DSCAM: variants seen among roughly 807,000 people sequenced by gnomAD.
The protein encoded by DSCAM is DS cell adhesion molecule.
A neutral mutation model predicts 217.7 loss-of-function variants in DSCAM; 47 were observed. The observed-to-expected ratio is 0.22, with a 90% CI of 0.17 to 0.28. DSCAM has a LOEUF of 0.28. Among genes scored for constraint, DSCAM ranks in the 10% least tolerant of loss-of-function variants. DSCAM has a pLI of 1.00. For missense variants in DSCAM, 2,080 were observed against 2,618.3 expected, an observed-to-expected ratio of 0.79 and a Z score of 4.49; for synonymous variants, 1,056 against 1,015.3, an observed-to-expected ratio of 1.04 and a Z score of -0.76.
At chr21:40,701,369 T>A (rs2090654726) in intron 2 of DSCAM, among the ~76,000 whole-genome samples, 3 of 152,284 alleles carry the variant, frequency 2.0e-5, no homozygotes, top group East Asian at 1.9e-4. Flanking sequence ...ACAATTTTTT[T>A]AAAAGAACTT....
chr21:40,611,132 C>T (rs562427119), intron 3 of DSCAM, among the ~76,000 whole-genome samples: 17 of 144,248 alleles, frequency 1.2e-4, no homozygotes, highest in African/African-American at 3.6e-4. Context: ...GATCTCGGCT[C>T]ACTGCAACCT....
At chr21:40,715,230 T>C (rs1054079536) in intron 1 of DSCAM, among the ~76,000 whole-genome samples, 4 of 152,256 alleles carry the variant, frequency 2.6e-5, no homozygotes, top group Non-Finnish European at 5.9e-5. Flanking sequence ...TTCACATCAC[T>C]ATTTTAGTTT....
At chr21:40,720,885 C>A (rs891411091) in intron 1 of DSCAM, among the ~76,000 whole-genome samples, 8 of 152,158 alleles carry the variant, frequency 5.3e-5, no homozygotes, top group African/African-American at 1.9e-4. Flanking sequence ...AGAGAGGGAG[C>A]TCCAGAGAGC....
intron 10 of DSCAM, among the ~76,000 whole-genome samples, chr21:40,292,368 G>C (rs766236455): frequency 6.6e-6 from 1 of 151,898 alleles, no homozygotes; most frequent in African/African-American, 2.4e-5. Flanking sequence ...CTGCACTTCA[G>C]CTCTTAGTGA....
At chr21:40,388,119 A>C (rs1055103772) in intron 3 of DSCAM, among the ~76,000 whole-genome samples, 6 of 139,558 alleles carry the variant, frequency 4.3e-5, no homozygotes, top group African/African-American at 1.7e-4. Context: ...AACAATTTGG[A>C]AATTTCCCAG....
chr21:40,526,638 T>C (rs2076403042), intron 3 of DSCAM, among the ~76,000 whole-genome samples: 1 of 152,082 alleles, frequency 6.6e-6, no homozygotes, highest in African/African-American at 2.4e-5. Flanking sequence ...CCAGGAACTT[T>C]GCTTATCAGA....
intron 3 of DSCAM, among the ~76,000 whole-genome samples, chr21:40,504,759 G>A (rs573693311): frequency 7.9e-5 from 12 of 152,228 alleles, no homozygotes; most frequent in African/African-American, 2.9e-4. Flanking sequence ...TGGATCTCTG[G>A]GGGTGAAACT....
chr21:40,269,166 A>G (rs1232863441), intron 11 of DSCAM, among the ~76,000 whole-genome samples: 1 of 152,076 alleles, frequency 6.6e-6, no homozygotes, highest in East Asian at 1.9e-4. Context: ...AAAAACCCTG[A>G]CCCACATTGG....
intron 32 of DSCAM, among the ~76,000 whole-genome samples, chr21:40,021,266 A>G (rs77231113): frequency 0.013 from 2,043 of 152,112 alleles, 55 homozygotes; most frequent in African/African-American, 0.046. Context: ...GACAGATAAA[A>G]ATTAGAGACA....
chr21:40,528,992 C>T (rs900616062), intron 3 of DSCAM, among the ~76,000 whole-genome samples: 21 of 148,880 alleles, frequency 1.4e-4, no homozygotes, highest in African/African-American at 5.2e-4. Flanking sequence ...CAACCTCTGC[C>T]TCCTGGGTTC....
At chr21:40,354,297 G>A (rs2074666500) in intron 4 of DSCAM, among the ~76,000 whole-genome samples, 1 of 152,048 alleles carries the variant, frequency 6.6e-6, no homozygotes, top group Admixed American at 6.5e-5. Flanking sequence ...CAAATTATAT[G>A]AATACATTAA....
At chr21:40,663,386 C>T (rs556010403) in intron 3 of DSCAM, among the ~76,000 whole-genome samples, 1 of 152,104 alleles carries the variant, frequency 6.6e-6, no homozygotes, top group Admixed American at 6.5e-5. Context: ...CCTCCATATG[C>T]ACAGGCCAGT....
intron 3 of DSCAM, among the ~76,000 whole-genome samples, chr21:40,524,293 C>T (rs544377496): frequency 2.6e-5 from 4 of 152,058 alleles, no homozygotes; most frequent in South Asian, 2.1e-4. Context: ...ACAGATTTTC[C>T]GAAACCTTTA....
At chr21:40,257,379 G>T (rs1569027036) in intron 11 of DSCAM, among the ~76,000 whole-genome samples, 1 of 147,918 alleles carries the variant, frequency 6.8e-6, no homozygotes, top group South Asian at 2.2e-4. Flanking sequence ...GTATTTTTTT[G>T]TTTTTTTTTC....
chr21:40,775,836 G>C (rs1001972), intron 1 of DSCAM, among the ~76,000 whole-genome samples: 126,183 of 152,178 alleles, frequency 0.83, 52,479 homozygotes, highest in African/African-American at 0.86. Flanking sequence ...TGGAGATCTT[G>C]GTTCTTTGGG....
intron 3 of DSCAM, among the ~76,000 whole-genome samples, chr21:40,521,127 G>C (rs950007989): frequency 6.6e-6 from 1 of 152,134 alleles, no homozygotes; most frequent in South Asian, 2.1e-4. Context: ...TTGACCTTCT[G>C]ATGACATTTG....
chr21:40,042,614 C>A lies in DSCAM; in HGVS notation c.5443G>T (p.Ala1815Ser), dbSNP rs772544835. Residue 1815 changes from alanine (A) to serine (S), a missense_variant, in exon 32 of 33, where the codon GCC becomes TCC. This residue lies in a region of DSCAM where 1,144 missense variants were observed against 1,421.1 expected (regional missense o/e 0.81). Transcript: ENST00000400454. Reference protein sequence around the residue: ...ESASSTYEELARAYEHAKMEE... With the variant: ...ESASSTYEELSRAYEHAKMEE... Reference sequence around the variant, plus strand: ...ATCTTGGCGTGTTCGTAGGCCCTGGCCAGTTCTTCGTAAGTGGAGGAGGCA... The same window carrying A: ...ATCTTGGCGTGTTCGTAGGCCCTGGACAGTTCTTCGTAAGTGGAGGAGGCA... 1 of 1,614,024 alleles carries A rather than the reference C, an allele frequency of 6.2e-7. No individual in the cohort carries two copies. The highest frequency in any genetic ancestry group is 8.5e-7 in the Non-Finnish European group (1 of 1,180,014).
chr21:40,709,401 C>G (rs539481731), intron 1 of DSCAM, among the ~76,000 whole-genome samples: 48 of 152,250 alleles, frequency 3.2e-4, no homozygotes, highest in Non-Finnish European at 6.0e-4. Flanking sequence ...GCAGGTTTGT[C>G]ACATAGGTAT....
At position 40,425,707 on chromosome 21, in the gene DSCAM, T is replaced by G. The variant is rs188079626; in HGVS notation, c.509-56462A>C. On this transcript the variant is annotated intron_variant, in intron 3 of 32. Transcript: ENST00000400454. Reference sequence around the variant, plus strand: ...AAAAAAAAACTCTTCCTTGTTCATTTCATAAACTTAAAAACAAAAATACAG... The same window carrying G: ...AAAAAAAAACTCTTCCTTGTTCATTGCATAAACTTAAAAACAAAAATACAG... Among the ~76,000 whole-genome samples the G allele has an allele frequency of 6.4e-4, 97 of 151,730 alleles. 2 individuals are homozygous for G. The East Asian group carries it at 0.01, about 16-fold the overall frequency.
Sources: allele counts gnomAD v4.1 joint callset (sites outside exome capture counted in the v4.1 genomes callset), GRCh38; gene constraint gnomAD v4.1.1; regional missense constraint gnomAD v4.1.1; transcripts MANE v1.5; gene names NCBI Gene and HGNC (gene_info 2026-07-23, HGNC 2026-07-21).